Variants in SLC1A4 observed in about 807,000 individuals in gnomAD.
SLC1A4 encodes neutral amino acid transporter A.
A neutral mutation model predicts 37.7 loss-of-function variants in SLC1A4; 19 were observed. The observed-to-expected ratio is 0.50, with a 90% CI of 0.35 to 0.74. The LOEUF (loss-of-function observed/expected upper bound fraction) is 0.74. SLC1A4 is among the 30% of genes least tolerant of loss of function. SLC1A4 has a pLI of 0.01. For synonymous variants in SLC1A4, 299 were observed against 309.8 expected (o/e 0.97, Z 0.37); for missense variants, 570 against 712.9 (o/e 0.80, Z 2.28).
chr2:65,023,330 G>GTGTGTTGTA lies in SLC1A4; in HGVS notation c.*2185_*2186insGTGTTGTAT, dbSNP rs1370272645. 3 of 151,786 alleles carry GTGTGTTGTA rather than the reference G, an allele frequency of 2.0e-5. No homozygotes were observed. Among genetic ancestry groups the GTGTGTTGTA allele is most frequent in the African/African-American group, 7.3e-5 (3 of 41,276 alleles). 9.4% of individuals were successfully genotyped at this position (151,786 alleles called of 1,614,324 possible). Reference sequence around the variant, plus strand: ...ATATCTATACACACATGTGTGTTGTGTATATGCATGTGTGTGTGTGCGTGT... The same window carrying GTGTGTTGTA: ...ATATCTATACACACATGTGTGTTGTGTGTGTTGTATATATGCATGTGTGTGTGTGCGTGT... On this transcript the variant is annotated 3_prime_UTR_variant, in exon 8 of 8. Coordinates refer to ENST00000234256, the MANE Select transcript of SLC1A4 (RefSeq NM_003038.5).
At position 65,016,383 on chromosome 2, in the gene SLC1A4, G is replaced by C. The variant is rs192107399; in HGVS notation, c.801-57G>C. On this transcript the variant is annotated intron_variant, in intron 4 of 7. Transcript: ENST00000234256. The stretch of plus-strand genomic sequence containing the variant: ...CTGCATTCTGCCTCAGGAAGGACCT[G>C]CATCTCTCACCCCAGCTTTATCCCC... The C allele has an allele frequency of 1.9e-5, 26 of 1,357,080 alleles. No homozygotes were observed. The East Asian group carries it at 4.6e-4, about 24-fold the overall frequency. The allele number at this position is 1,357,080 out of a possible 1,614,324, so 84.1% of individuals were successfully genotyped here. A position where few individuals can be genotyped will look rare whatever the true frequency, so the allele number is the denominator to read the frequency against.
chr2:65,020,847 C>G, intron 7 of SLC1A4, 65 bp from the exon 8 acceptor site: 1 of 1,343,440 alleles, frequency 7.4e-7, no homozygotes, highest in Non-Finnish European at 1.1e-6. Flanking sequence ...GGCATCCAGG[C>G]TGCCTGTGAC....
At chr2:65,009,359 G>C (rs1279018779) in intron 3 of SLC1A4, among the ~76,000 whole-genome samples, 1 of 150,404 alleles carries the variant, frequency 6.6e-6, no homozygotes, top group Non-Finnish European at 1.5e-5. Flanking sequence ...GGGAACAAGA[G>C]CGAAACTCTG....
intron 1 of SLC1A4, chr2:65,000,159 T>A (rs1192312873): frequency 6.6e-6 from 1 of 152,242 alleles, no homozygotes; most frequent in Admixed American, 6.5e-5. Flanking sequence ...AGACTTACTC[T>A]TCTTGCAGGA....
chr2:64,999,523 C>T (rs1431027670), intron 1 of SLC1A4: 1 of 152,144 alleles, frequency 6.6e-6, no homozygotes, highest in Non-Finnish European at 1.5e-5. Context: ...TACTATCCTA[C>T]AGTCTCTCTG....
chr2:64,993,165 A>G (rs568563643), intron 1 of SLC1A4, among the ~76,000 whole-genome samples: 14 of 152,302 alleles, frequency 9.2e-5, no homozygotes, highest in Admixed American at 2.6e-4. Flanking sequence ...TCAGAACTTA[A>G]ACACCTGGAA....
At chr2:65,019,062 A>G (rs1231458632) in intron 7 of SLC1A4, among the ~76,000 whole-genome samples, 1 of 152,156 alleles carries the variant, frequency 6.6e-6, no homozygotes, top group African/African-American at 2.4e-5. Flanking sequence ...GGCCTGGAAG[A>G]TTCTAAGGAG....
Position 65,010,734 on chromosome 2 carries a change from G to A in SLC1A4, c.771G>A (p.Ala257=), listed in dbSNP as rs776784547. Residue 257 remains alanine, a synonymous_variant, in exon 4 of 8, where the codon GCG becomes GCA. Coordinates refer to ENST00000234256, the MANE Select transcript of SLC1A4 (RefSeq NM_003038.5). Reference sequence around the variant, plus strand: ...GTTTCTTCAATTCCCTCAACGAGGCGACGATGGTGCTGGTGTCCTGGATTA... The same window carrying A: ...GTTTCTTCAATTCCCTCAACGAGGCAACGATGGTGCTGGTGTCCTGGATTA... ...LIRFFNSLNE[A]TMVLVSWIMW... is the part of the protein sequence containing the mutation. 1.9e-5 allele frequency: 31 copies of A among 1,613,812 alleles called. No individual in the cohort carries two copies. Among genetic ancestry groups the A allele is most frequent in the Middle Eastern group, 1.7e-4 (1 of 6,042 alleles).
chr2:65,018,931 G>T lies in SLC1A4; in HGVS notation c.1364+252G>T, dbSNP rs1163601008. On this transcript the variant is annotated intron_variant, in intron 7 of 7. Transcript: ENST00000234256. This position sits in a 1 kb window ranked among gnomAD's most constrained non-coding sequence, Gnocchi z 4.3. ...GAACTTGCTTATAGCATCCAGTAAA[G>T]CAGGGGTCCACAGCTGAGGCCCTCA... Among the ~76,000 whole-genome samples the T allele has an allele frequency of 1.3e-5, 2 of 152,218 alleles. No homozygotes were observed. Among genetic ancestry groups the T allele is most frequent in the Non-Finnish European group, 2.9e-5 (2 of 68,024 alleles).
chr2:65,018,391 G>C lies in SLC1A4; in HGVS notation c.1229+126G>C. 3.6e-6 allele frequency: 5 copies of C among 1,378,476 alleles called. No individual in the cohort carries two copies. Among genetic ancestry groups the C allele is most frequent in the South Asian group, 1.3e-5 (1 of 74,534 alleles). 85.4% of individuals were successfully genotyped at this position (1,378,476 alleles called of 1,614,324 possible). A position where few individuals can be genotyped will look rare whatever the true frequency, so the allele number is the denominator to read the frequency against. On this transcript the variant is annotated intron_variant, in intron 6 of 7. Transcript: ENST00000234256. This position sits in a 1 kb window ranked among gnomAD's most constrained non-coding sequence, Gnocchi z 4.3. Reference sequence around the variant, plus strand: ...TGAGGACAGTGGGGATTCATTACTTGAAGAGCGTGTGTTGACTCTCAAGGG... The same window carrying C: ...TGAGGACAGTGGGGATTCATTACTTCAAGAGCGTGTGTTGACTCTCAAGGG...
intron 2 of SLC1A4, among the ~76,000 whole-genome samples, chr2:65,003,404 C>G (rs1432414634): frequency 6.6e-6 from 1 of 152,182 alleles, no homozygotes; most frequent in African/African-American, 2.4e-5. Context: ...AACTGAGTCC[C>G]CCTGAAGACT....
chr2:65,007,250 AATAG>A (rs1370188303), intron 3 of SLC1A4, among the ~76,000 whole-genome samples: 4 of 145,198 alleles, frequency 2.8e-5, no homozygotes, highest in South Asian at 2.2e-4. Context: ...AAGCAGGGCA[AATAG>A]ATAGGAAGAG....
At chr2:64,991,675 A>G (rs1467350308) in intron 1 of SLC1A4, among the ~76,000 whole-genome samples, 1 of 152,042 alleles carries the variant, frequency 6.6e-6, no homozygotes, top group African/African-American at 2.4e-5. Context: ...ATCTCGGCTC[A>G]CTGCAAGCTC....
At chr2:65,010,790 C>CT in intron 4 of SLC1A4, 27 bp downstream of exon 4, 1 of 1,594,210 alleles carries the variant, frequency 6.3e-7, no homozygotes, top group Non-Finnish European at 8.5e-7. Flanking sequence ...TGCCTACTCT[C>CT]TCTCTCCTTC....
intron 4 of SLC1A4, among the ~76,000 whole-genome samples, chr2:65,012,763 G>A (rs2103668736): frequency 6.6e-6 from 1 of 152,314 alleles, no homozygotes; most frequent in South Asian, 2.1e-4. Flanking sequence ...ATTGGGGCAG[G>A]CGCAGTGGCT....
rs70937394 is a variant in SLC1A4 at position 65,002,570 on chromosome 2, C to CTTTTT, written c.570+1101_570+1105dup. 4.1e-3 allele frequency among the ~76,000 whole-genome samples: 243 copies of CTTTTT among 59,050 alleles called. 2 individuals are homozygous for CTTTTT. The highest frequency in any genetic ancestry group is 8.2e-3 in the African/African-American group (109 of 13,250). The allele number at this position is 59,050 out of a possible 152,430, so 38.7% of individuals were successfully genotyped here. A position where few individuals can be genotyped will look rare whatever the true frequency, so the allele number is the denominator to read the frequency against. On this transcript the variant is annotated intron_variant, in intron 2 of 7. Coordinates refer to ENST00000234256, the MANE Select transcript of SLC1A4 (RefSeq NM_003038.5). ...TGCAAGTAACAGTCCTGTGACCATT[C>CTTTTT]TTTTTTTTTTTTTTTTTTTTTTTTT...
At chr2:65,000,910 A>G (rs1267926185) in intron 1 of SLC1A4, 2 of 152,536 alleles carry the variant, frequency 1.3e-5, no homozygotes, top group Admixed American at 6.5e-5. Context: ...CAATTTTGCA[A>G]CAACAAAAAC....
Position 64,990,042 on chromosome 2 carries a change from G to A in SLC1A4, c.399G>A (p.Val133=). ...LTTLSASALA[V]ALAFIIKPGS... is the part of the protein sequence containing the mutation. ...CACTGAGTGCCTCGGCGCTCGCCGT[G>A]GCCTTGGCGTTCATCATCAAGCCAG... Residue 133 remains valine, a synonymous_variant, in exon 1 of 8, where the codon GTG becomes GTA. Coordinates refer to ENST00000234256, the MANE Select transcript of SLC1A4 (RefSeq NM_003038.5). 1 of 1,605,988 alleles carries A rather than the reference G, an allele frequency of 6.2e-7. No homozygotes were observed. Among genetic ancestry groups the A allele is most frequent in the African/African-American group, 1.3e-5 (1 of 74,970 alleles).
At chr2:65,004,870 C>T (rs1350680872) in intron 3 of SLC1A4, among the ~76,000 whole-genome samples, 1 of 152,078 alleles carries the variant, frequency 6.6e-6, no homozygotes, top group Non-Finnish European at 1.5e-5. Flanking sequence ...TGCTATTTTT[C>T]TGCACATTTT....
Sources: gnomAD v4.1 joint callset for allele counts (sites outside exome capture counted in the v4.1 genomes callset) on GRCh38, gnomAD v4.1.1 for gene constraint, Gnocchi (gnomAD v3.1) non-coding constraint, MANE v1.5 for transcripts, NCBI Gene and HGNC (gene_info 2026-07-23, HGNC 2026-07-21) for gene names.